RANBP2: variants seen among roughly 807,000 people sequenced by gnomAD.
The protein encoded by RANBP2 is E3 SUMO-protein ligase RanBP2.
RANBP2 carries 57 observed loss-of-function variants against 303.6 expected under a neutral mutation model. The ratio of observed to expected loss-of-function variants is 0.19; its 90% CI spans 0.15 to 0.23. RANBP2 has a LOEUF of 0.23. RANBP2 is among the 10% of genes least tolerant of loss of function. RANBP2 has a pLI of 1.00. For missense variants in RANBP2, 3,138 were observed against 3,780.8 expected, an observed-to-expected ratio of 0.83 and a Z score of 4.46; for synonymous variants, 1,167 against 1,301.5, an observed-to-expected ratio of 0.90 and a Z score of 2.23.
the RANBP2 span, among the ~76,000 whole-genome samples, chr2:109,054,089 A>C: frequency 6.6e-6 from 1 of 152,160 alleles, no homozygotes; most frequent in Admixed American, 6.5e-5. Context: ...GGGTCTCAGC[A>C]TGCCCAGCCT....
chr2:109,646,091 G>A, the RANBP2 span, among the ~76,000 whole-genome samples: 1 of 152,242 alleles, frequency 6.6e-6, no homozygotes, highest in African/African-American at 2.4e-5. Flanking sequence ...TCCGGCATTT[G>A]GTCCTTCTGA....
the RANBP2 span, among the ~76,000 whole-genome samples, chr2:109,138,778 A>T: frequency 6.6e-6 from 1 of 152,202 alleles, no homozygotes; most frequent in South Asian, 2.1e-4. Context: ...GCTCTTGAAG[A>T]CTGGCCCAGA....
At chr2:109,181,948 A>AT in the RANBP2 span, among the ~76,000 whole-genome samples, 1 of 152,144 alleles carries the variant, frequency 6.6e-6, no homozygotes, top group Admixed American at 6.6e-5. Context: ...AGGGCCTTGA[A>AT]TGAGCAACCA....
the RANBP2 span, among the ~76,000 whole-genome samples, chr2:109,231,370 C>G: frequency 1.3e-5 from 2 of 152,226 alleles, no homozygotes; most frequent in Admixed American, 6.5e-5. Context: ...AAGGTTAATG[C>G]AGTTATCACC....
chr2:109,615,490 T>C, the RANBP2 span: 1 of 1,613,570 alleles, frequency 6.2e-7, no homozygotes, highest in Non-Finnish European at 8.5e-7. Context: ...CCGGTGAACA[T>C]CGACGCCAGG....
At chr2:109,156,643 A>G in the RANBP2 span, among the ~76,000 whole-genome samples, 1 of 152,170 alleles carries the variant, frequency 6.6e-6, no homozygotes, top group Non-Finnish European at 1.5e-5. Flanking sequence ...ATGGGGTTTC[A>G]CCATGTTGGC....
the RANBP2 span, among the ~76,000 whole-genome samples, chr2:109,012,458 G>C: frequency 6.6e-6 from 1 of 151,958 alleles, no homozygotes; most frequent in Non-Finnish European, 1.5e-5. Flanking sequence ...TTTCCCCCCA[G>C]CCCTGGGATT....
At chr2:108,774,397 G>C (rs1246296209) in intron 23 of RANBP2, among the ~76,000 whole-genome samples, 1 of 152,120 alleles carries the variant, frequency 6.6e-6, no homozygotes, top group Non-Finnish European at 1.5e-5. Context: ...GGAGTTCCAG[G>C]CTGCAGTGCG....
At chr2:109,396,310 A>G in the RANBP2 span, among the ~76,000 whole-genome samples, 17 of 152,234 alleles carry the variant, frequency 1.1e-4, no homozygotes, top group Non-Finnish European at 1.8e-4. Context: ...GTTGGAGGAA[A>G]CATTTCAAAG....
the RANBP2 span, among the ~76,000 whole-genome samples, chr2:108,924,422 G>A: frequency 1.3e-5 from 2 of 152,204 alleles, no homozygotes; most frequent in Admixed American, 6.5e-5. Context: ...AATGCTCAGC[G>A]GAGAGCATGG....
the RANBP2 span, among the ~76,000 whole-genome samples, chr2:109,391,221 C>G: frequency 2.6e-3 from 390 of 152,360 alleles, 2 homozygotes; most frequent in African/African-American, 8.9e-3. Context: ...TCTGCACCTG[C>G]GTTTTAAACT....
At chr2:108,910,673 C>T in the RANBP2 span, 2 of 1,456,044 alleles carry the variant, frequency 1.4e-6, no homozygotes, top group Non-Finnish European at 1.9e-6. Context: ...CAGTATGGTT[C>T]AGCATGTGAG....
At chr2:109,060,865 T>C in the RANBP2 span, among the ~76,000 whole-genome samples, 1 of 152,180 alleles carries the variant, frequency 6.6e-6, no homozygotes, top group Non-Finnish European at 1.5e-5. Context: ...ATATAACATA[T>C]ATGTCTTCAT....
the RANBP2 span, chr2:109,613,676 G>A: frequency 1.6e-6 from 1 of 639,352 alleles, no homozygotes; most frequent in Non-Finnish European, 2.2e-6. Context: ...CTGGGCGGGC[G>A]GGGCCGGAGG....
At chr2:109,160,369 T>C in the RANBP2 span, among the ~76,000 whole-genome samples, 1 of 152,168 alleles carries the variant, frequency 6.6e-6, no homozygotes. Context: ...CACATTTGTG[T>C]GCCCAAAGCA....
At chr2:109,422,046 G>A in the RANBP2 span, among the ~76,000 whole-genome samples, 2 of 152,190 alleles carry the variant, frequency 1.3e-5, no homozygotes, top group Non-Finnish European at 2.9e-5. Context: ...TTAACTCTAA[G>A]AAGCTAGTAT....
chr2:109,339,300 T>C, the RANBP2 span, among the ~76,000 whole-genome samples: 1 of 151,898 alleles, frequency 6.6e-6, no homozygotes, highest in Non-Finnish European at 1.5e-5. Flanking sequence ...GGGGGTAACA[T>C]GAAAGTAATG....
the RANBP2 span, among the ~76,000 whole-genome samples, chr2:108,988,577 A>G: frequency 2.1e-4 from 32 of 152,238 alleles, no homozygotes; most frequent in African/African-American, 7.7e-4. Flanking sequence ...GCCCAGCTAG[A>G]GTCCCTGCCG....
chr2:109,156,313 G>T, the RANBP2 span, among the ~76,000 whole-genome samples: 6 of 152,178 alleles, frequency 3.9e-5, no homozygotes, highest in Non-Finnish European at 7.3e-5. Flanking sequence ...TCCGCCCCTC[G>T]CATCTTCCCC....
Sources: allele counts gnomAD v4.1 joint callset (sites outside exome capture counted in the v4.1 genomes callset), GRCh38; gene constraint gnomAD v4.1.1; transcripts MANE v1.5; gene names NCBI Gene and HGNC (gene_info 2026-07-23, HGNC 2026-07-21).